Variants in BICRAL observed in about 807,000 individuals in gnomAD.
BICRAL encodes the protein BRD4-interacting chromatin-remodeling complex-associated protein-like.
A neutral mutation model predicts 91.8 loss-of-function variants in BICRAL; 8 were observed. That is an observed-to-expected ratio of 0.09 (90% CI 0.05 to 0.16). The LOEUF is 0.16. BICRAL is among the 10% of genes least tolerant of loss of function. The pLI, the probability that BICRAL is intolerant of heterozygous loss-of-function variation, is 1.00. For synonymous variants in BICRAL, 445 were observed against 491.1 expected (o/e 0.91, Z 1.24); for missense variants, 1,038 against 1,310.9 (o/e 0.79, Z 3.21).
chr6:42,858,064 G>A (rs1765441574), intron 10 of BICRAL, among the ~76,000 whole-genome samples: 2 of 149,854 alleles, frequency 1.3e-5, no homozygotes, highest in Non-Finnish European at 3.0e-5. Context: ...GCCCGCCTCA[G>A]CCTCCGGAAG....
rs746487661 is a variant in BICRAL, at chr6:42,828,645, C to T, written c.312C>T (p.Asp104=). Residue 104 remains aspartate (D), a synonymous_variant, in exon 6 of 13, where the codon GAC becomes GAT. Coordinates refer to ENST00000314073, the MANE Select transcript of BICRAL (RefSeq NM_001393499.1). ...LPDLTEDQPF[D]ILQKSLQEAN... ...ATCTCACTGAGGACCAACCTTTCGA[C>T]ATTCTTCAGAAATCCTTGCAAGAGG... The T allele has an allele frequency of 1.9e-6, 3 of 1,614,098 alleles. No individual in the cohort carries two copies. The highest frequency in any genetic ancestry group is 2.5e-6 in the Non-Finnish European group (3 of 1,179,990).
At chr6:42,757,807 G>A (rs960288675) in intron 1 of BICRAL, among the ~76,000 whole-genome samples, 7 of 152,230 alleles carry the variant, frequency 4.6e-5, no homozygotes, top group African/African-American at 1.7e-4. Context: ...TTTAACAGAT[G>A]AAGAACTGAA....
At chr6:42,762,340 G>A (rs1038126400) in intron 1 of BICRAL, among the ~76,000 whole-genome samples, 1 of 152,180 alleles carries the variant, frequency 6.6e-6, no homozygotes, top group African/African-American at 2.4e-5. Flanking sequence ...TAACTGGCTT[G>A]TAATGAAAGG....
chr6:42,784,129 CTTTT>C (rs1218739600), intron 1 of BICRAL, among the ~76,000 whole-genome samples: 1 of 152,100 alleles, frequency 6.6e-6, no homozygotes, highest in African/African-American at 2.4e-5. Context: ...TTTTTTGAAA[CTTTT>C]TTTGTTGGCT....
intron 6 of BICRAL, among the ~76,000 whole-genome samples, chr6:42,833,578 G>A (rs1480208862): frequency 2.0e-5 from 3 of 152,012 alleles, no homozygotes; most frequent in Non-Finnish European, 4.4e-5. Context: ...CTCCCGAGTA[G>A]CTAGGATTAT....
chr6:42,859,515 C>T (rs1045207255), intron 10 of BICRAL, among the ~76,000 whole-genome samples: 10 of 152,080 alleles, frequency 6.6e-5, no homozygotes, highest in Non-Finnish European at 1.2e-4. Context: ...TAATGTAAAG[C>T]TGTGTCTTTA....
chr6:42,786,653 G>A (rs1367474831), intron 1 of BICRAL, among the ~76,000 whole-genome samples: 1 of 152,176 alleles, frequency 6.6e-6, no homozygotes, highest in East Asian at 1.9e-4. Context: ...GTGGCTGGTG[G>A]ATCTAAAAGA....
intron 1 of BICRAL, among the ~76,000 whole-genome samples, chr6:42,757,147 C>CT (rs1217568409): frequency 6.6e-6 from 1 of 151,862 alleles, no homozygotes; most frequent in Non-Finnish European, 1.5e-5. Context: ...AAATGGACTG[C>CT]TTTTTTTGAT....
chr6:42,818,025 A>G (rs991719283), intron 2 of BICRAL, among the ~76,000 whole-genome samples: 4 of 151,938 alleles, frequency 2.6e-5, no homozygotes, highest in African/African-American at 9.7e-5. Flanking sequence ...AATACCTGGA[A>G]ATGGATTTGC....
intron 2 of BICRAL, among the ~76,000 whole-genome samples, chr6:42,811,513 C>T (rs887180570): frequency 6.6e-6 from 1 of 151,750 alleles, no homozygotes; most frequent in Non-Finnish European, 1.5e-5. Context: ...CCCAGCTACT[C>T]GGGAGGCTGA....
chr6:42,763,099 A>G lies in BICRAL; in HGVS notation c.-261+16076A>G, dbSNP rs1762579092. 1.3e-5 allele frequency among the ~76,000 whole-genome samples: 2 copies of G among 152,230 alleles called. 1 individual carries two copies. On this transcript the variant is annotated intron_variant, in intron 1 of 14. Transcript: ENST00000614467. ...TCTGGGTGAATGAGCCCAAAGGTCA[A>G]ACAGATCAAGCATTTTCAAGAAAAG... is the stretch of plus-strand genomic sequence containing the variant.
At chr6:42,858,532 A>AAT (rs1554283303) in intron 10 of BICRAL, among the ~76,000 whole-genome samples, 1 of 144,010 alleles carries the variant, frequency 6.9e-6, no homozygotes, top group East Asian at 2.1e-4. Flanking sequence ...AAAAAAAAAA[A>AAT]AAAGGCTGGG....
intron 2 of BICRAL, among the ~76,000 whole-genome samples, chr6:42,819,263 C>T (rs774313954): frequency 2.6e-5 from 4 of 152,026 alleles, no homozygotes; most frequent in Non-Finnish European, 4.4e-5. Flanking sequence ...ATTATCTTCT[C>T]GTTTTATTTA....
At chr6:42,821,628 C>A (rs555675395) in intron 2 of BICRAL, among the ~76,000 whole-genome samples, 39 of 152,280 alleles carry the variant, frequency 2.6e-4, no homozygotes, top group African/African-American at 8.9e-4. Context: ...AATTAAAAGA[C>A]CTCTATGTCT....
At chr6:42,792,310 C>T (rs1262170997) in intron 1 of BICRAL, among the ~76,000 whole-genome samples, 1 of 151,940 alleles carries the variant, frequency 6.6e-6, no homozygotes, top group Non-Finnish European at 1.5e-5. Context: ...TCTTGGTCAC[C>T]CAGGGTTGAA....
chr6:42,849,499 G>A, intron 6 of BICRAL, among the ~76,000 whole-genome samples: 1 of 150,856 alleles, frequency 6.6e-6, no homozygotes, highest in Non-Finnish European at 1.5e-5. Flanking sequence ...GAGTGCAGTG[G>A]CACCATCTTG....
rs1162984476 is a variant in BICRAL, at chr6:42,822,005, C to G, written c.-5-13C>G. On this transcript the variant is annotated splice_polypyrimidine_tract_variant and intron_variant, in intron 2 of 12. Transcript: ENST00000314073. The stretch of plus-strand genomic sequence containing the variant: ...TTTACTGAAACCTGTTTTCCTCTCC[C>G]TTTTCTTTATAGTTGTCATGGATGA... 13 of 1,589,716 alleles carry G rather than the reference C, an allele frequency of 8.2e-6. No individual in the cohort carries two copies. The highest frequency in any genetic ancestry group is 1.3e-5 in the African/African-American group (1 of 74,394).
chr6:42,825,677 T>A (rs1764276217), intron 5 of BICRAL, among the ~76,000 whole-genome samples: 1 of 151,676 alleles, frequency 6.6e-6, no homozygotes, highest in African/African-American at 2.4e-5. Context: ...GAGCCAAGAT[T>A]GTGCCACTGC....
At chr6:42,774,993 C>T (rs965509180) in intron 1 of BICRAL, among the ~76,000 whole-genome samples, 6 of 151,622 alleles carry the variant, frequency 4.0e-5, no homozygotes, top group African/African-American at 1.5e-4. Flanking sequence ...AGTGCAGTGG[C>T]GCCATCTCAA....
Sources: gnomAD v4.1 joint callset for allele counts (sites outside exome capture counted in the v4.1 genomes callset) on GRCh38, gnomAD v4.1.1 for gene constraint, MANE v1.5 for transcripts, NCBI Gene and HGNC (gene_info 2026-07-23, HGNC 2026-07-21) for gene names.